The following NEK1 variants were observed in gnomAD, a reference collection of about 807,000 sequenced individuals.
NEK1 encodes serine/threonine-protein kinase Nek1.
In NEK1, 137 loss-of-function variants were observed where a neutral mutation model predicts 182.1. That is an observed-to-expected ratio of 0.75 (90% CI 0.65 to 0.87). The LOEUF is 0.87. Among genes scored for constraint, NEK1 ranks in the 40% least tolerant of loss-of-function variants. The probability of loss-of-function intolerance (pLI) is 0.00; values close to 1 mark genes in which losing one functional copy is unlikely to be tolerated. For synonymous variants in NEK1, 513 were observed against 492.2 expected, an observed-to-expected ratio of 1.04 and a Z score of -0.56; for missense variants, 1,391 against 1,494.4, an observed-to-expected ratio of 0.93 and a Z score of 1.14.
At chr4:169,568,949 A>AC (rs1351814810) in intron 12 of NEK1, among the ~76,000 whole-genome samples, 1 of 150,652 alleles carries the variant, frequency 6.6e-6, no homozygotes, top group African/African-American at 2.5e-5. Context: ...AAAAAAAAAA[A>AC]AAGAAAACCC....
chr4:169,476,747 G>T (rs549818780), intron 26 of NEK1, among the ~76,000 whole-genome samples: 23 of 152,094 alleles, frequency 1.5e-4, no homozygotes, highest in African/African-American at 5.5e-4. Flanking sequence ...CAATACTCTC[G>T]CTAAATGCCT....
At chr4:169,606,039 C>A (rs188906627) in intron 2 of NEK1, among the ~76,000 whole-genome samples, 1 of 151,788 alleles carries the variant, frequency 6.6e-6, no homozygotes, top group East Asian at 1.9e-4. Context: ...ATTTTATAGA[C>A]CTTGCCAAGT....
chr4:169,602,480 A>T, intron 3 of NEK1, 34 bp downstream of exon 3: 1 of 1,135,498 alleles, frequency 8.8e-7, no homozygotes, highest in South Asian at 1.3e-5. Context: ...TAACTAAACC[A>T]TTACTCATGA....
At chr4:169,490,534 G>A (rs955342790) in intron 23 of NEK1, among the ~76,000 whole-genome samples, 6 of 151,934 alleles carry the variant, frequency 3.9e-5, no homozygotes, top group African/African-American at 9.7e-5. Context: ...ATGATCTTAC[G>A]GAAACTCAGG....
rs945740110 is a variant in NEK1, at chr4:169,487,813, T to C, written c.2008-8279A>G. 3.3e-5 allele frequency among the ~76,000 whole-genome samples: 5 copies of C among 152,300 alleles called. No individual in the cohort carries two copies. The South Asian group carries it at 8.3e-4, about 25-fold the overall frequency. On this transcript the variant is annotated intron_variant, in intron 23 of 35. Coordinates refer to ENST00000507142, the MANE Select transcript of NEK1 (RefSeq NM_001199397.3). ...AATGCATTCCTTTTTCTCTGTAACT[T>C]TGCCAGCATCTGTTGTTTCTTGATT...
At chr4:169,476,376 AC>A (rs1384801393) in intron 26 of NEK1, among the ~76,000 whole-genome samples, 3 of 152,156 alleles carry the variant, frequency 2.0e-5, no homozygotes, top group African/African-American at 7.2e-5. Flanking sequence ...TTTCCACTAG[AC>A]CTTAAGCTCC....
At chr4:169,492,575 G>A (rs1750314795) in intron 23 of NEK1, among the ~76,000 whole-genome samples, 1 of 152,152 alleles carries the variant, frequency 6.6e-6, no homozygotes, top group Admixed American at 6.5e-5. Context: ...ACAGAGAACT[G>A]GGTGAGCAGC....
In NEK1 at chr4:169,556,042, T is replaced by C. The variant is rs1762119121; in HGVS notation, c.1320A>G (p.Arg440=). The C allele has an allele frequency of 1.9e-6, 3 of 1,613,530 alleles. No homozygotes were observed. The highest frequency in any genetic ancestry group is 1.3e-5 in the African/African-American group (1 of 74,916). Residue 440 remains arginine (R), a synonymous_variant, in exon 17 of 36, where the codon CGA becomes CGG. Transcript: ENST00000507142. ...GTIAPSSFSS[R]GQYEHYHAIF... ...TGGCATGGTAATGTTCATACTGTCC[T>C]CGAGAAGAAAAAGATGATGGAGCTA... is the stretch of plus-strand genomic sequence containing the variant.
intron 23 of NEK1, among the ~76,000 whole-genome samples, chr4:169,481,805 C>CCCAACAAGA (rs1484745695): frequency 6.6e-6 from 1 of 152,178 alleles, no homozygotes; most frequent in African/African-American, 2.4e-5. Flanking sequence ...TGCATTAGCT[C>CCCAACAAGA]CCAACAAGAG....
At chr4:169,559,633 T>C (rs954479581) in intron 16 of NEK1, among the ~76,000 whole-genome samples, 14 of 152,218 alleles carry the variant, frequency 9.2e-5, no homozygotes, top group Non-Finnish European at 2.1e-4. Flanking sequence ...AGAATTATAA[T>C]TGATCCAATT....
chr4:169,545,191 T>C (rs1392858658), intron 18 of NEK1, among the ~76,000 whole-genome samples: 1 of 142,658 alleles, frequency 7.0e-6, no homozygotes, highest in Non-Finnish European at 1.5e-5. Context: ...CTCCCAATGC[T>C]ATCCCTCCCC....
chr4:169,409,506 C>A (rs1733279743), intron 31 of NEK1, among the ~76,000 whole-genome samples: 1 of 151,924 alleles, frequency 6.6e-6, no homozygotes, highest in Non-Finnish European at 1.5e-5. Context: ...GGCTCACTCA[C>A]ACCTGCAATC....
intron 32 of NEK1, among the ~76,000 whole-genome samples, chr4:169,404,701 C>T (rs1732269410): frequency 6.6e-6 from 1 of 152,110 alleles, no homozygotes; most frequent in Non-Finnish European, 1.5e-5. Context: ...AAGTGTGTAA[C>T]ATTTGTCTAA....
At position 169,394,491 on chromosome 4, in the gene NEK1, T is replaced by C. The variant is rs372935588; in HGVS notation, c.*19A>G. Reference sequence around the variant, plus strand: ...TCAAATGCTTTCATATAGTTGAGGATTAAAAAACATTTTGAGGATTATTCA... The same window carrying C: ...TCAAATGCTTTCATATAGTTGAGGACTAAAAAACATTTTGAGGATTATTCA... On this transcript the variant is annotated 3_prime_UTR_variant, in exon 36 of 36. Coordinates refer to ENST00000507142, the MANE Select transcript of NEK1 (RefSeq NM_001199397.3). 2.1e-5 allele frequency: 29 copies of C among 1,377,542 alleles called. No individual in the cohort carries two copies. In the African/African-American group the frequency reaches 3.6e-4, roughly 17 times the overall value. The allele number at this position is 1,377,542 out of a possible 1,614,324, so 85.3% of individuals were successfully genotyped here.
chr4:169,408,412 CT>C (rs1428054337), intron 31 of NEK1, among the ~76,000 whole-genome samples: 3 of 151,846 alleles, frequency 2.0e-5, no homozygotes, highest in Non-Finnish European at 2.9e-5. Flanking sequence ...GCTTTGGAGG[CT>C]TTTTTCCCTA....
At chr4:169,478,910 C>T (rs1369833577) in intron 24 of NEK1, among the ~76,000 whole-genome samples, 1 of 152,060 alleles carries the variant, frequency 6.6e-6, no homozygotes, top group Non-Finnish European at 1.5e-5. Flanking sequence ...TAGGGCATGA[C>T]AGAGATTCAG....
chr4:169,477,367 A>T lies in NEK1; in HGVS notation c.2206-15T>A. The T allele has an allele frequency of 6.4e-7, 1 of 1,557,280 alleles. No homozygotes were observed. Among genetic ancestry groups the T allele is most frequent in the Non-Finnish European group, 8.7e-7 (1 of 1,148,860 alleles). On this transcript the variant is annotated splice_polypyrimidine_tract_variant and intron_variant, in intron 25 of 35. Transcript: ENST00000507142. The stretch of plus-strand genomic sequence containing the variant: ...TCTCGCTTACTCTGAAAGTCACGAC[A>T]TTATATATTTTAATATGTATATCAT...
intron 2 of NEK1, among the ~76,000 whole-genome samples, chr4:169,605,661 A>G (rs1771213497): frequency 6.6e-6 from 1 of 152,222 alleles, no homozygotes; most frequent in Non-Finnish European, 1.5e-5. Context: ...AACTGAAGGA[A>G]CATACGAATC....
chr4:169,498,787 T>C (rs1313484499), intron 23 of NEK1, among the ~76,000 whole-genome samples: 1 of 152,236 alleles, frequency 6.6e-6, no homozygotes, highest in Non-Finnish European at 1.5e-5. Flanking sequence ...GTTAGTCTGA[T>C]GGGCTTCCGT....
Sources: gnomAD v4.1 joint callset for allele counts (sites outside exome capture counted in the v4.1 genomes callset) on GRCh38, gnomAD v4.1.1 for gene constraint, MANE v1.5 for transcripts, NCBI Gene and HGNC (gene_info 2026-07-23, HGNC 2026-07-21) for gene names.